KCNH1: variants seen among roughly 807,000 people sequenced by gnomAD.
The protein encoded by KCNH1 is voltage-gated delayed rectifier potassium channel KCNH1.
Under a neutral mutation model 69.2 loss-of-function variants are expected in KCNH1, and 27 were observed. The observed-to-expected ratio is 0.39, with a 90% CI of 0.29 to 0.54. The LOEUF is 0.54. Ranked by LOEUF, KCNH1 falls within the 20% of genes least tolerant of loss-of-function variation. KCNH1 has a pLI of 0.68. For synonymous variants in KCNH1, 456 were observed against 487.7 expected (o/e 0.93, Z 0.86); for missense variants, 798 against 1,261.6 (o/e 0.63, Z 5.57).
chr1:211,111,310 C>G (rs1372683152), intron 1 of KCNH1, among the ~76,000 whole-genome samples: 5 of 151,772 alleles, frequency 3.3e-5, no homozygotes, highest in Admixed American at 3.3e-4. Context: ...GCGGTCCCAC[C>G]GTCTGGGAAG....
intron 4 of KCNH1, among the ~76,000 whole-genome samples, chr1:211,088,880 A>G (rs994174987): frequency 6.6e-6 from 1 of 152,222 alleles, no homozygotes; most frequent in Non-Finnish European, 1.5e-5. Flanking sequence ...GAAATGCATC[A>G]TTGAGGCAGG....
intron 1 of KCNH1, among the ~76,000 whole-genome samples, chr1:211,132,051 T>C (rs1225966624): frequency 1.3e-5 from 2 of 152,242 alleles, no homozygotes; most frequent in Non-Finnish European, 2.9e-5. Flanking sequence ...CAAGGCATCT[T>C]GTGACTTTTA....
chr1:210,786,541 G>A (rs1022848120), intron 9 of KCNH1, among the ~76,000 whole-genome samples: 4 of 151,972 alleles, frequency 2.6e-5, no homozygotes, highest in Non-Finnish European at 5.9e-5. Context: ...TTGGGGCTGT[G>A]TTCTAGACTT....
chr1:210,804,196 A>G (rs1055216531), intron 7 of KCNH1, 30 bp from the exon 8 acceptor site: 1 of 1,569,318 alleles, frequency 6.4e-7, no homozygotes, highest in Non-Finnish European at 8.7e-7. Flanking sequence ...GCAAAAGAAG[A>G]AATAACAAGT....
chr1:210,969,462 A>C (rs1435496270), intron 6 of KCNH1, among the ~76,000 whole-genome samples: 2 of 152,146 alleles, frequency 1.3e-5, no homozygotes, highest in African/African-American at 2.4e-5. Context: ...CACTTCAATT[A>C]TTAACAATTA....
At chr1:210,833,258 T>C (rs1378292976) in intron 7 of KCNH1, among the ~76,000 whole-genome samples, 1 of 152,138 alleles carries the variant, frequency 6.6e-6, no homozygotes, top group East Asian at 1.9e-4. Context: ...TAAGAATTCA[T>C]TACAAAGCCA....
At chr1:210,862,298 G>T (rs1270679056) in intron 7 of KCNH1, 2 of 846,124 alleles carry the variant, frequency 2.4e-6, no homozygotes, top group Non-Finnish European at 4.0e-6. Flanking sequence ...GCATGAACTA[G>T]GTCAAACCCA....
intron 10 of KCNH1, among the ~76,000 whole-genome samples, chr1:210,692,911 T>C (rs1681555854): frequency 6.6e-6 from 1 of 152,172 alleles, no homozygotes; most frequent in African/African-American, 2.4e-5. Flanking sequence ...TCTGTGGTCG[T>C]TTGTATGGCA....
chr1:210,948,363 C>T (rs1465594448), intron 6 of KCNH1, among the ~76,000 whole-genome samples: 1 of 151,896 alleles, frequency 6.6e-6, no homozygotes, highest in Non-Finnish European at 1.5e-5. Context: ...AAATTATGTG[C>T]ACATTTTAGA....
intron 10 of KCNH1, among the ~76,000 whole-genome samples, chr1:210,732,698 T>A (rs970888477): frequency 2.0e-5 from 3 of 152,220 alleles, no homozygotes; most frequent in African/African-American, 7.2e-5. Flanking sequence ...ACCAAGGTGC[T>A]GGCAGATTCA....
chr1:210,928,327 C>T (rs1206193519), intron 6 of KCNH1, among the ~76,000 whole-genome samples: 2 of 152,044 alleles, frequency 1.3e-5, no homozygotes, highest in Non-Finnish European at 2.9e-5. Context: ...ACAAAACAGG[C>T]CTCAGTAAAA....
At chr1:210,693,999 G>A (rs1681583083) in intron 10 of KCNH1, among the ~76,000 whole-genome samples, 1 of 152,148 alleles carries the variant, frequency 6.6e-6, no homozygotes, top group Admixed American at 6.5e-5. Flanking sequence ...TCCACTCCCA[G>A]GAGATTCTAC....
intron 7 of KCNH1, among the ~76,000 whole-genome samples, chr1:210,917,280 A>AAAGAAAG (rs1553359780): frequency 5.2e-4 from 74 of 142,646 alleles, no homozygotes; most frequent in African/African-American, 1.7e-3. Flanking sequence ...AGAAAGAAAG[A>AAAGAAAG]AAAGAAAAGA....
chr1:210,878,343 A>C (rs1191705928), intron 7 of KCNH1, among the ~76,000 whole-genome samples: 3 of 152,088 alleles, frequency 2.0e-5, no homozygotes, highest in African/African-American at 7.2e-5. Context: ...AGCAGAATAC[A>C]CATTCTTCTC....
At chr1:210,761,725 T>C (rs936574551) in intron 10 of KCNH1, among the ~76,000 whole-genome samples, 1 of 152,188 alleles carries the variant, frequency 6.6e-6, no homozygotes, top group Non-Finnish European at 1.5e-5. Flanking sequence ...CAATTAAAAT[T>C]GGAACATTCA....
At chr1:211,123,087 G>C (rs1691716734) in intron 1 of KCNH1, among the ~76,000 whole-genome samples, 1 of 152,174 alleles carries the variant, frequency 6.6e-6, no homozygotes, top group African/African-American at 2.4e-5. Context: ...CCCAGGCATG[G>C]CAGGAGTGTA....
intron 10 of KCNH1, among the ~76,000 whole-genome samples, chr1:210,765,601 T>C (rs12139474): frequency 0.14 from 21,426 of 152,144 alleles, 1,563 homozygotes; most frequent in Non-Finnish European, 0.16. Context: ...TTATATTTTA[T>C]GCTGGCACCA....
intron 7 of KCNH1, among the ~76,000 whole-genome samples, chr1:210,876,957 G>T (rs906670908): frequency 2.0e-5 from 3 of 151,668 alleles, no homozygotes; most frequent in Non-Finnish European, 4.4e-5. Context: ...TCTCCACCCT[G>T]CCTACCCAAG....
chr1:210,911,214 G>A (rs1166720193), intron 7 of KCNH1, among the ~76,000 whole-genome samples: 2 of 151,886 alleles, frequency 1.3e-5, no homozygotes, highest in South Asian at 2.1e-4. Flanking sequence ...CCTGGCCCAC[G>A]GCTCTTCCCA....
Sources: gnomAD v4.1 joint callset for allele counts (sites outside exome capture counted in the v4.1 genomes callset) on GRCh38, gnomAD v4.1.1 for gene constraint, MANE v1.5 for transcripts, NCBI Gene and HGNC (gene_info 2026-07-23, HGNC 2026-07-21) for gene names.